The following TMEM131L variants were observed in gnomAD, a reference collection of about 807,000 sequenced individuals.
TMEM131L encodes the protein transmembrane 131 like.
In TMEM131L, 54 loss-of-function variants were observed where a neutral mutation model predicts 192.2. The observed-to-expected ratio is 0.28, with a 90% CI of 0.23 to 0.35. The LOEUF (loss-of-function observed/expected upper bound fraction) is 0.35. TMEM131L is among the 10% of genes least tolerant of loss of function. The pLI is 1.00. For missense variants in TMEM131L, 1,888 were observed against 1,972.9 expected (o/e 0.96, Z 0.82); for synonymous variants, 701 against 704.9 (o/e 0.99, Z 0.09).
intron 3 of TMEM131L, among the ~76,000 whole-genome samples, chr4:153,509,997 A>G (rs527950982): frequency 1.3e-5 from 2 of 152,306 alleles, no homozygotes; most frequent in Non-Finnish European, 2.9e-5. Context: ...CATTTTGTAG[A>G]ATGCTACCTT....
chr4:153,566,195 G>A (rs934054736), intron 7 of TMEM131L, among the ~76,000 whole-genome samples: 1 of 151,844 alleles, frequency 6.6e-6, no homozygotes, highest in Non-Finnish European at 1.5e-5. Flanking sequence ...GAGTGCAGTG[G>A]CGCAATCTCG....
chr4:153,504,438 C>T (rs527460697), intron 3 of TMEM131L, among the ~76,000 whole-genome samples: 1 of 151,014 alleles, frequency 6.6e-6, no homozygotes, highest in South Asian at 2.1e-4. Context: ...CACTACCACG[C>T]CCGGCTAATT....
chr4:153,512,126 G>A (rs1486800815), intron 3 of TMEM131L, among the ~76,000 whole-genome samples: 1 of 152,156 alleles, frequency 6.6e-6, no homozygotes, highest in African/African-American at 2.4e-5. Flanking sequence ...TTTTTAAAAT[G>A]GATATCGGTT....
chr4:153,632,473 A>C (rs1343190243), intron 31 of TMEM131L: 2 of 476,766 alleles, frequency 4.2e-6, no homozygotes, highest in Non-Finnish European at 7.5e-6. Flanking sequence ...AGTTCCTCAA[A>C]TATTTGTTAT....
intron 3 of TMEM131L, among the ~76,000 whole-genome samples, chr4:153,494,612 A>G (rs764593202): frequency 5.1e-4 from 77 of 152,198 alleles, no homozygotes; most frequent in Non-Finnish European, 9.3e-4. Flanking sequence ...CAACAGTCTT[A>G]TTGTCCTGAG....
intron 3 of TMEM131L, among the ~76,000 whole-genome samples, chr4:153,499,940 G>A (rs1733473281): frequency 6.6e-6 from 1 of 151,548 alleles, no homozygotes; most frequent in Non-Finnish European, 1.5e-5. Context: ...TCTCTAGGTT[G>A]GTTTTACCTA....
rs1730756471 is a variant in TMEM131L at position 153,466,536 on chromosome 4, G to A, written c.124+15G>A. 1.5e-6 allele frequency: 2 copies of A among 1,323,034 alleles called. No individual in the cohort carries two copies. Among genetic ancestry groups the A allele is most frequent in the Admixed American group, 3.3e-5 (1 of 30,296 alleles). The allele number at this position is 1,323,034 out of a possible 1,614,324, so 82.0% of individuals were successfully genotyped here. ...TCAGGGACAAGGTCAGCCTTGCGCCGCTGGGCTCGCTCTGCCTCTCCACCC... is the reference window on the plus strand; with the variant it reads ...TCAGGGACAAGGTCAGCCTTGCGCCACTGGGCTCGCTCTGCCTCTCCACCC... On this transcript the variant is annotated intron_variant, in intron 1 of 34. Transcript: ENST00000409959.
At chr4:153,531,315 A>G (rs1735886165) in intron 3 of TMEM131L, among the ~76,000 whole-genome samples, 1 of 152,208 alleles carries the variant, frequency 6.6e-6, no homozygotes, top group Non-Finnish European at 1.5e-5. Flanking sequence ...ACTGGACTAA[A>G]TTATTTCTTG....
intron 3 of TMEM131L, among the ~76,000 whole-genome samples, chr4:153,484,273 C>T (rs1732149986): frequency 6.6e-6 from 1 of 152,002 alleles, no homozygotes; most frequent in African/African-American, 2.4e-5. Context: ...CTGTGGTAGT[C>T]TAGGCAGTAT....
At chr4:153,599,592 T>C (rs1731689785) in intron 21 of TMEM131L, among the ~76,000 whole-genome samples, 1 of 152,222 alleles carries the variant, frequency 6.6e-6, no homozygotes, top group African/African-American at 2.4e-5. Context: ...ATATTTAAAA[T>C]AAATACATGA....
intron 26 of TMEM131L, among the ~76,000 whole-genome samples, chr4:153,620,081 A>G (rs996182751): frequency 1.3e-5 from 2 of 152,244 alleles, no homozygotes; most frequent in African/African-American, 4.8e-5. Context: ...GAGCTACTTC[A>G]TAGTTTGAAA....
intron 7 of TMEM131L, among the ~76,000 whole-genome samples, chr4:153,574,428 A>G (rs1405957746): frequency 6.6e-6 from 1 of 152,138 alleles, no homozygotes; most frequent in East Asian, 1.9e-4. Flanking sequence ...GAAACACTAA[A>G]TTAGGAGTGT....
chr4:153,480,696 T>A (rs908701632), intron 3 of TMEM131L, among the ~76,000 whole-genome samples: 25 of 152,138 alleles, frequency 1.6e-4, no homozygotes, highest in South Asian at 8.3e-4. Context: ...AAAAGAAAAA[T>A]TTTTTTATGG....
intron 3 of TMEM131L, among the ~76,000 whole-genome samples, chr4:153,540,599 C>CT (rs1462943964): frequency 2.0e-5 from 3 of 152,218 alleles, no homozygotes; most frequent in African/African-American, 7.2e-5. Context: ...ATTTCTGAAT[C>CT]TAACTGCCTT....
intron 3 of TMEM131L, among the ~76,000 whole-genome samples, chr4:153,520,138 TGGAAGGAAG>T (rs1735007540): frequency 6.6e-6 from 1 of 152,128 alleles, no homozygotes; most frequent in Admixed American, 6.5e-5. Context: ...ACTTAAGATT[TGGAAGGAAG>T]ATTTTTATAT....
At chr4:153,549,420 T>A (rs1466295707) in intron 3 of TMEM131L, among the ~76,000 whole-genome samples, 3 of 152,266 alleles carry the variant, frequency 2.0e-5, no homozygotes, top group Admixed American at 6.5e-5. Flanking sequence ...ATGTGTATTT[T>A]GTATTTTATG....
intron 25 of TMEM131L, among the ~76,000 whole-genome samples, chr4:153,608,103 G>T (rs1009042709): frequency 5.3e-5 from 8 of 152,010 alleles, no homozygotes; most frequent in Admixed American, 2.0e-4. Context: ...CCTGGGCAAT[G>T]AGTGAGACCC....
intron 3 of TMEM131L, among the ~76,000 whole-genome samples, chr4:153,546,890 G>A (rs1198892216): frequency 2.0e-5 from 3 of 152,196 alleles, no homozygotes; most frequent in Admixed American, 1.3e-4. Context: ...TCATGCTATT[G>A]CGCTCCAACG....
At chr4:153,564,992 C>T (rs1023161541) in intron 7 of TMEM131L, among the ~76,000 whole-genome samples, 3 of 152,212 alleles carry the variant, frequency 2.0e-5, no homozygotes, top group African/African-American at 7.2e-5. Flanking sequence ...CTCTCTTAGC[C>T]TCATAAGCTT....
Sources: allele counts gnomAD v4.1 joint callset (sites outside exome capture counted in the v4.1 genomes callset), GRCh38; gene constraint gnomAD v4.1.1; transcripts MANE v1.5; gene names NCBI Gene and HGNC (gene_info 2026-07-23, HGNC 2026-07-21).